DPH6: variants seen among roughly 807,000 people sequenced by gnomAD.
DPH6 encodes diphthamine biosynthesis 6.
A neutral mutation model predicts 38.2 loss-of-function variants in DPH6; 33 were observed. That is an observed-to-expected ratio of 0.86 (90% CI 0.65 to 1.15). The LOEUF (loss-of-function observed/expected upper bound fraction) is 1.15, where lower values mean the gene tolerates loss of function less well. Ranked by LOEUF, DPH6 falls within the 50% of genes most tolerant of loss-of-function variation. The pLI, the probability that DPH6 is intolerant of heterozygous loss-of-function variation, is 0.00. For missense variants in DPH6, 325 were observed against 320.0 expected, an observed-to-expected ratio of 1.02 and a Z score of -0.12; for synonymous variants, 108 against 103.0, an observed-to-expected ratio of 1.05 and a Z score of -0.30.
At chr15:35,499,892 G>A (rs2141192960) in intron 3 of DPH6, among the ~76,000 whole-genome samples, 1 of 152,296 alleles carries the variant, frequency 6.6e-6, no homozygotes, top group South Asian at 2.1e-4. Context: ...AAGCAAGAAT[G>A]AGGTTCCTGG....
intron 3 of DPH6, among the ~76,000 whole-genome samples, chr15:35,339,312 T>TTCA (rs1412117046): frequency 1.4e-5 from 2 of 146,748 alleles, no homozygotes; most frequent in East Asian, 3.9e-4. Flanking sequence ...CTGCCTTAAT[T>TTCA]TCATTATTAT....
chr15:35,473,782 G>A (rs1168099732), intron 3 of DPH6, among the ~76,000 whole-genome samples: 4 of 151,940 alleles, frequency 2.6e-5, no homozygotes, highest in Non-Finnish European at 5.9e-5. Context: ...GTAGGGCAGT[G>A]GTTAAATAAA....
At chr15:35,146,668 C>A in the DPH6 span, among the ~76,000 whole-genome samples, 3 of 152,248 alleles carry the variant, frequency 2.0e-5, no homozygotes, top group South Asian at 6.2e-4. Context: ...GCAGAAGTAG[C>A]AGTAATGGTA....
intron 6 of DPH6, chr15:35,401,264 GT>G: frequency 1.0e-6 from 1 of 961,294 alleles, no homozygotes; most frequent in Non-Finnish European, 1.7e-6. Flanking sequence ...TTTGGTGGTG[GT>G]TGTGGAGACA....
At chr15:35,504,145 T>G (rs1231601767) in intron 3 of DPH6, among the ~76,000 whole-genome samples, 1 of 152,036 alleles carries the variant, frequency 6.6e-6, no homozygotes, top group African/African-American at 2.4e-5. Context: ...CCATTTTGCT[T>G]CTTTACTTTC....
intron 3 of DPH6, among the ~76,000 whole-genome samples, chr15:35,316,036 AAG>A (rs2140835312): frequency 6.6e-6 from 1 of 152,254 alleles, no homozygotes; most frequent in South Asian, 2.1e-4. Context: ...AGATGCCAGG[AAG>A]GGTAGGGGGA....
chr15:35,288,965 G>A (rs1051153975), intron 3 of DPH6, among the ~76,000 whole-genome samples: 1 of 152,250 alleles, frequency 6.6e-6, no homozygotes. Flanking sequence ...ACCAAAAAAA[G>A]ATAGTTCTAA....
intron 5 of DPH6, among the ~76,000 whole-genome samples, chr15:35,419,918 A>G (rs1421147266): frequency 1.3e-5 from 2 of 152,156 alleles, no homozygotes; most frequent in Non-Finnish European, 2.9e-5. Context: ...TTGGGCTTGA[A>G]CTACTTTAGG....
At chr15:35,205,764 T>C in the DPH6 span, among the ~76,000 whole-genome samples, 1 of 152,094 alleles carries the variant, frequency 6.6e-6, no homozygotes, top group Admixed American at 6.5e-5. Context: ...GTGGTGTCAG[T>C]CATTAATGAA....
chr15:35,273,806 T>G (rs545032922), intron 3 of DPH6, among the ~76,000 whole-genome samples: 2 of 152,304 alleles, frequency 1.3e-5, no homozygotes, highest in African/African-American at 4.8e-5. Flanking sequence ...GAAGAATCAA[T>G]ATCATGAAAA....
At chr15:35,149,836 T>C in the DPH6 span, among the ~76,000 whole-genome samples, 1 of 152,222 alleles carries the variant, frequency 6.6e-6, no homozygotes, top group East Asian at 1.9e-4. Context: ...TAGACTACAA[T>C]TAGATTCAAC....
chr15:35,354,717 A>T (rs2052544569), intron 3 of DPH6, among the ~76,000 whole-genome samples: 1 of 152,178 alleles, frequency 6.6e-6, no homozygotes, highest in South Asian at 2.1e-4. Context: ...ATTGATGTTC[A>T]TCAGGGATAT....
At chr15:35,484,396 T>G (rs1450326307) in intron 3 of DPH6, among the ~76,000 whole-genome samples, 1 of 152,222 alleles carries the variant, frequency 6.6e-6, no homozygotes, top group East Asian at 1.9e-4. Flanking sequence ...TCTCATGAAG[T>G]TGCAGTCATG....
At chr15:35,530,888 GC>G (rs898256265) in intron 3 of DPH6, among the ~76,000 whole-genome samples, 1 of 152,166 alleles carries the variant, frequency 6.6e-6, no homozygotes, top group Non-Finnish European at 1.5e-5. Context: ...CTGTTCCAAT[GC>G]CAATTCTTCC....
intron 3 of DPH6, among the ~76,000 whole-genome samples, chr15:35,532,658 T>G (rs932769852): frequency 3.9e-5 from 6 of 152,070 alleles, no homozygotes; most frequent in Non-Finnish European, 8.8e-5. Context: ...ACCATGCCAG[T>G]GGAATATTAA....
intron 3 of DPH6, among the ~76,000 whole-genome samples, chr15:35,474,039 A>T (rs1442522644): frequency 6.6e-6 from 1 of 151,786 alleles, no homozygotes; most frequent in African/African-American, 2.4e-5. Context: ...GTTGGGTTGG[A>T]GGGGGAAGGA....
chr15:35,308,942 T>C (rs1195462777), intron 3 of DPH6, among the ~76,000 whole-genome samples: 1 of 152,264 alleles, frequency 6.6e-6, no homozygotes, highest in Non-Finnish European at 1.5e-5. Flanking sequence ...CTGTCAAGTT[T>C]ACATACATTC....
At chr15:35,526,479 C>T (rs1292821319) in intron 3 of DPH6, among the ~76,000 whole-genome samples, 1 of 152,142 alleles carries the variant, frequency 6.6e-6, no homozygotes, top group African/African-American at 2.4e-5. Context: ...TGTACGAGTA[C>T]ACAAAGTGAC....
At chr15:35,456,917 T>A (rs113056333) in intron 3 of DPH6, among the ~76,000 whole-genome samples, 221 of 152,258 alleles carry the variant, frequency 1.5e-3, no homozygotes, top group African/African-American at 5.2e-3. Context: ...TTCTCTGGAA[T>A]TATCTTCTAC....
Sources: allele counts gnomAD v4.1 joint callset (sites outside exome capture counted in the v4.1 genomes callset), GRCh38; gene constraint gnomAD v4.1.1; transcripts MANE v1.5; gene names NCBI Gene and HGNC (gene_info 2026-07-23, HGNC 2026-07-21).